The following AXIN1 variants were observed in gnomAD, a reference collection of about 807,000 sequenced individuals.
The protein encoded by AXIN1 is axin-1.
Under a neutral mutation model 76.4 loss-of-function variants are expected in AXIN1, and 30 were observed. The observed-to-expected ratio is 0.39, with a 90% CI of 0.29 to 0.53. The LOEUF (loss-of-function observed/expected upper bound fraction) is 0.53, where lower values mean the gene tolerates loss of function less well. Among genes scored for constraint, AXIN1 ranks in the 20% least tolerant of loss-of-function variants. The pLI is 0.66. For synonymous variants in AXIN1, 545 were observed against 501.4 expected (o/e 1.09, Z -1.16); for missense variants, 1,140 against 1,198.8 (o/e 0.95, Z 0.72).
chr16:336,754 T>C (rs1212398940), intron 2 of AXIN1, among the ~76,000 whole-genome samples: 3 of 148,722 alleles, frequency 2.0e-5, no homozygotes, highest in Admixed American at 6.7e-5. Context: ...GAGGCGGAGG[T>C]TGCAGTGAGC....
intron 5 of AXIN1, among the ~76,000 whole-genome samples, chr16:300,466 T>C (rs546348533): frequency 2.0e-5 from 3 of 152,198 alleles, no homozygotes; most frequent in South Asian, 2.1e-4. Flanking sequence ...TCTCAAAGTG[T>C]TGGGATTACA....
intron 2 of AXIN1, among the ~76,000 whole-genome samples, chr16:345,619 C>T (rs934409532): frequency 3.3e-5 from 5 of 151,774 alleles, no homozygotes; most frequent in Admixed American, 1.3e-4. Flanking sequence ...GAGGCTGAGG[C>T]AGGAGAATCG....
At chr16:325,229 A>G (rs2053555541) in intron 2 of AXIN1, among the ~76,000 whole-genome samples, 4 of 152,302 alleles carry the variant, frequency 2.6e-5, no homozygotes, top group Admixed American at 2.6e-4. Flanking sequence ...CCTTGGGGAA[A>G]TCCACCTGTC....
rs765063997 is a variant in AXIN1, at chr16:314,578, G to A, written c.984C>T (p.Ser328=). The change falls in exon 3 of 11, where the codon AGC becomes AGT. Residue 328 remains serine, a synonymous_variant. Coordinates refer to ENST00000262320, the MANE Select transcript of AXIN1 (RefSeq NM_003502.4). ...ANDSEQQSLS[S]DADTLSLTDS... ...CCGTGAGGGACAGGGTGTCTGCATC[G>A]CTGGACAGGCTCTGCTGCTCGCTGT... 1.7e-5 allele frequency: 28 copies of A among 1,613,806 alleles called. No individual in the cohort carries two copies. Among genetic ancestry groups the A allele is most frequent in the Middle Eastern group, 1.6e-4 (1 of 6,080 alleles).
At chr16:311,238 A>G (rs1417253841) in intron 3 of AXIN1, among the ~76,000 whole-genome samples, 2 of 150,280 alleles carry the variant, frequency 1.3e-5, no homozygotes, top group Non-Finnish European at 3.0e-5. Flanking sequence ...CACTGTGTTA[A>G]CCACGATGGT....
chr16:326,368 A>ATTATATATATATATATAT (rs1555483785), intron 2 of AXIN1, among the ~76,000 whole-genome samples: 2 of 90,440 alleles, frequency 2.2e-5, no homozygotes, highest in African/African-American at 1.2e-4. Context: ...AAAAAAAAAA[A>ATTATATATATATATATAT]AAAAATATAT....
intron 2 of AXIN1, among the ~76,000 whole-genome samples, chr16:333,966 C>G (rs2053746793): frequency 6.6e-6 from 1 of 151,640 alleles, no homozygotes; most frequent in Admixed American, 6.6e-5. Context: ...CACCCAGTAC[C>G]ACAGCACAGC....
intron 1 of AXIN1, among the ~76,000 whole-genome samples, chr16:351,906 G>T (rs2054152826): frequency 6.6e-6 from 1 of 152,118 alleles, no homozygotes; most frequent in African/African-American, 2.4e-5. Context: ...GGCGGGGGTA[G>T]AATCTAAGAA....
At chr16:348,421 G>A (rs58071312) in intron 1 of AXIN1, among the ~76,000 whole-genome samples, 4,206 of 152,266 alleles carry the variant, frequency 0.028, 187 homozygotes, top group African/African-American at 0.096. Context: ...GCTGTCCCTT[G>A]TCTATGTGGA....
chr16:352,422 G>A lies in AXIN1; in HGVS notation c.-135C>T, dbSNP rs1319511055. 1,030 of 825,128 alleles carry A rather than the reference G, an allele frequency of 1.2e-3. No homozygotes were observed. Among genetic ancestry groups the A allele is most frequent in the Non-Finnish European group, 1.3e-3 (960 of 754,316 alleles). The allele number at this position is 825,128 out of a possible 1,614,324, so 51.1% of individuals were successfully genotyped here. ...CCCGGCTCCCGGAGCGGCGCGGCGC[G>A]GTCCGGGCCCATGCGCTCAGCGGCA... On this transcript the variant is annotated 5_prime_UTR_variant, in exon 1 of 11. Coordinates refer to ENST00000262320, the MANE Select transcript of AXIN1 (RefSeq NM_003502.4).
At chr16:302,114 C>T (rs116957209) in intron 5 of AXIN1, among the ~76,000 whole-genome samples, 5 of 152,372 alleles carry the variant, frequency 3.3e-5, no homozygotes, top group East Asian at 1.9e-4. Flanking sequence ...GCAAGCGAGC[C>T]GCTCCAGTGA....
At chr16:301,292 CA>C (rs546536548) in intron 5 of AXIN1, among the ~76,000 whole-genome samples, 136 of 105,644 alleles carry the variant, frequency 1.3e-3, no homozygotes, top group South Asian at 2.7e-3. Flanking sequence ...CAAAACAAAG[CA>C]AAAAAAAAAA....
At chr16:349,076 T>C (rs2054090938) in intron 1 of AXIN1, among the ~76,000 whole-genome samples, 1 of 151,750 alleles carries the variant, frequency 6.6e-6, no homozygotes, top group African/African-American at 2.4e-5. Flanking sequence ...CACTCCAGCT[T>C]GGGCGACAGA....
chr16:347,109 G>C lies in AXIN1; in HGVS notation c.-81-3C>G, dbSNP rs2141711810. ...GCTCCAAAGTGAATCAATCTGTCCT[G>C]TTGAAACCATTAAGAGGACAAGGAT... is the stretch of plus-strand genomic sequence containing the variant. On this transcript the variant is annotated splice_polypyrimidine_tract_variant and splice_region_variant and intron_variant, in intron 1 of 10. Coordinates refer to ENST00000262320, the MANE Select transcript of AXIN1 (RefSeq NM_003502.4). The C allele has an allele frequency of 6.2e-7, 1 of 1,607,790 alleles. No homozygotes were observed.
chr16:320,801 G>A (rs968395103), intron 2 of AXIN1, among the ~76,000 whole-genome samples: 9 of 64,438 alleles, frequency 1.4e-4, no homozygotes, highest in Admixed American at 7.0e-4. Flanking sequence ...GTGCAGTGGC[G>A]CGATCTCGGC....
intron 5 of AXIN1, among the ~76,000 whole-genome samples, chr16:303,123 T>C (rs1477014271): frequency 1.3e-5 from 2 of 151,866 alleles, no homozygotes; most frequent in South Asian, 2.1e-4. Context: ...CAGCCTCCCA[T>C]AGTGTTGGGG....
At chr16:294,727 C>G (rs952699534) in intron 7 of AXIN1, among the ~76,000 whole-genome samples, 3 of 140,300 alleles carry the variant, frequency 2.1e-5, no homozygotes, top group African/African-American at 8.2e-5. Flanking sequence ...TGCACTCCAG[C>G]CTGAGCCACA....
At position 336,755 on chromosome 16, in the gene AXIN1, T is replaced by C. The variant is rs531284776; in HGVS notation, c.878+9393A>G. Among the ~76,000 whole-genome samples the C allele has an allele frequency of 2.0e-5, 3 of 148,236 alleles. No homozygotes were observed. In the South Asian group the frequency reaches 6.3e-4, roughly 31 times the overall value. On this transcript the variant is annotated intron_variant, in intron 2 of 10. Coordinates refer to ENST00000262320, the MANE Select transcript of AXIN1 (RefSeq NM_003502.4). Reference sequence around the variant, plus strand: ...TCATTTGAACCCAGGAGGCGGAGGTTGCAGTGAGCTGAGGTTGCACCACTG... The same window carrying C: ...TCATTTGAACCCAGGAGGCGGAGGTCGCAGTGAGCTGAGGTTGCACCACTG...
At chr16:335,512 G>A (rs2053785164) in intron 2 of AXIN1, among the ~76,000 whole-genome samples, 1 of 151,160 alleles carries the variant, frequency 6.6e-6, no homozygotes. Context: ...CAATAACACA[G>A]CACCCAGTAC....
Sources: gnomAD v4.1 joint callset for allele counts (sites outside exome capture counted in the v4.1 genomes callset) on GRCh38, gnomAD v4.1.1 for gene constraint, MANE v1.5 for transcripts, NCBI Gene and HGNC (gene_info 2026-07-23, HGNC 2026-07-21) for gene names.